PTPRU: variants seen among roughly 807,000 people sequenced by gnomAD.
The protein encoded by PTPRU is protein tyrosine phosphatase receptor type U.
PTPRU carries 69 observed loss-of-function variants against 166.3 expected under a neutral mutation model. That is an observed-to-expected ratio of 0.41 (90% CI 0.34 to 0.51). PTPRU has a LOEUF of 0.51. Ranked by LOEUF, PTPRU falls within the 20% of genes least tolerant of loss-of-function variation. The pLI is 0.09. For synonymous variants in PTPRU, 793 were observed against 814.0 expected (o/e 0.97, Z 0.44); for missense variants, 1,657 against 2,013.7 (o/e 0.82, Z 3.39).
rs1687652486 is a variant in PTPRU at position 29,311,466 on chromosome 1, T to C, written c.2868T>C (p.Pro956=). 1 of 1,614,044 alleles carries C rather than the reference T, an allele frequency of 6.2e-7. No individual in the cohort carries two copies. The highest frequency in any genetic ancestry group is 8.5e-7 in the Non-Finnish European group (1 of 1,179,948). Residue 956 remains proline (P), a synonymous_variant, in exon 20 of 30, where the codon CCT becomes CCC. Coordinates refer to ENST00000373779, the MANE Select transcript of PTPRU (RefSeq NM_133178.4). The surrounding 1 kb of genome is among the most constrained non-coding windows in gnomAD (Gnocchi z 4.1). The part of the protein sequence containing the change: ...NHFIATQGPK[P]EMVYDFWRMV... ...TGCCTGCATCCCCAGGGCCGAAGCC[T>C]GAGATGGTCTATGACTTCTGGCGTA...
intron 24 of PTPRU, 52 bp downstream of exon 24, chr1:29,316,203 G>T (rs753157475): frequency 4.3e-5 from 68 of 1,570,518 alleles, no homozygotes; most frequent in Non-Finnish European, 5.7e-5. Flanking sequence ...CTGTGTGTGT[G>T]TTGGGGCATC....
chr1:29,273,640 C>T (rs534771743), intron 7 of PTPRU, among the ~76,000 whole-genome samples: 1 of 152,264 alleles, frequency 6.6e-6, no homozygotes, highest in South Asian at 2.1e-4. Flanking sequence ...TGGGCTCCAG[C>T]GATTCTCCTG....
Position 29,259,899 on chromosome 1 carries a change from G to T in PTPRU, c.705G>T (p.Ala235=). 1 of 1,532,066 alleles carries T rather than the reference G, an allele frequency of 6.5e-7. No individual in the cohort carries two copies. The highest frequency in any genetic ancestry group is 8.7e-7 in the Non-Finnish European group (1 of 1,145,674). 94.9% of individuals were successfully genotyped at this position (1,532,066 alleles called of 1,614,324 possible). Residue 235 remains alanine (A), a synonymous_variant, in exon 6 of 30, where the codon GCG becomes GCT. Transcript: ENST00000373779. Reference sequence around the variant, plus strand: ...AGAGCGGGGCGCTGGTGCCGGCGGCGGGCGTGCGGCACATCAGCCACCGGC... The same window carrying T: ...AGAGCGGGGCGCTGGTGCCGGCGGCTGGCGTGCGGCACATCAGCCACCGGC... ...QRQSGALVPA[A]GVRHISHRRF... is the part of the protein sequence containing the mutation.
In PTPRU at chr1:29,260,300, G is replaced by T; in HGVS notation, c.850+256G>T. 2.0e-6 allele frequency: 1 copy of T among 488,624 alleles called. No homozygotes were observed. Among genetic ancestry groups the T allele is most frequent in the East Asian group, 3.5e-5 (1 of 28,556 alleles). 30.3% of individuals were successfully genotyped at this position (488,624 alleles called of 1,614,324 possible). A position where few individuals can be genotyped will look rare whatever the true frequency, so the allele number is the denominator to read the frequency against. ...CCTAAAGAGGGGTGGGGTTCTGGCT[G>T]TGTGACTTCTGTGTTGATCCTAGCT... On this transcript the variant is annotated intron_variant, in intron 6 of 29. Coordinates refer to ENST00000373779, the MANE Select transcript of PTPRU (RefSeq NM_133178.4). This position sits in a 1 kb window ranked among gnomAD's most constrained non-coding sequence, Gnocchi z 8.3.
At chr1:29,285,832 C>T (rs1686320739) in intron 14 of PTPRU, among the ~76,000 whole-genome samples, 1 of 152,222 alleles carries the variant, frequency 6.6e-6, no homozygotes, top group Non-Finnish European at 1.5e-5. Flanking sequence ...TCTGCCCCAC[C>T]ATGTTCCCCA....
chr1:29,281,717 C>T lies in PTPRU; in HGVS notation c.1869-959C>T, dbSNP rs371119387. On this transcript the variant is annotated intron_variant, in intron 11 of 29. Transcript: ENST00000373779. The stretch of plus-strand genomic sequence containing the variant: ...GTGTTTATAATGGGCTAGTGACAAG[C>T]CATGGGCTGGTGTCCAACACTCTGG... Among the ~76,000 whole-genome samples the T allele has an allele frequency of 1.3e-4, 20 of 152,282 alleles. No homozygotes were observed. In the South Asian group the frequency reaches 3.9e-3, roughly 30 times the overall value.
intron 15 of PTPRU, among the ~76,000 whole-genome samples, chr1:29,296,434 T>TA (rs1686882225): frequency 6.6e-6 from 1 of 152,120 alleles, no homozygotes. Flanking sequence ...TTTAGATTTT[T>TA]AAAAAATTAC....
intron 29 of PTPRU, 79 bp downstream of exon 29, chr1:29,325,405 C>T: frequency 1.3e-6 from 2 of 1,556,266 alleles, no homozygotes; most frequent in Non-Finnish European, 8.9e-7. Flanking sequence ...ACCCACTCTC[C>T]CATATCTGGG....
intron 15 of PTPRU, among the ~76,000 whole-genome samples, chr1:29,302,679 A>G (rs758905390): frequency 6.6e-6 from 1 of 151,956 alleles, no homozygotes; most frequent in Non-Finnish European, 1.5e-5. Flanking sequence ...CCTCCCAAGT[A>G]GCTGGGATTA....
intron 1 of PTPRU, among the ~76,000 whole-genome samples, chr1:29,242,902 CTT>C (rs778731913): frequency 3.5e-5 from 5 of 144,412 alleles, no homozygotes; most frequent in Non-Finnish European, 4.6e-5. Flanking sequence ...CTCTCGGTTT[CTT>C]TTTTTTTTTT....
At chr1:29,284,687 C>T (rs1686259327) in intron 13 of PTPRU, 44 bp from the exon 14 acceptor site, 2 of 1,613,674 alleles carry the variant, frequency 1.2e-6, no homozygotes, top group African/African-American at 1.3e-5. Context: ...GCTCGATGGT[C>T]CCTGTCTTTC....
rs13374260 is a variant in PTPRU at position 29,257,489 on chromosome 1, C to T, written c.206-1016C>T. ...GCAGCGCTGGGTGGTTTCGGGTGCC[C>T]TTTGGGAAGCCCAAATCCCCCCGCC... On this transcript the variant is annotated intron_variant, in intron 2 of 29. Coordinates refer to ENST00000373779, the MANE Select transcript of PTPRU (RefSeq NM_133178.4). This position sits in a 1 kb window ranked among gnomAD's most constrained non-coding sequence, Gnocchi z 4.6. Among the ~76,000 whole-genome samples, 1,151 of 152,230 alleles carry T rather than the reference C, an allele frequency of 7.6e-3. 10 individuals are homozygous for T. The highest frequency in any genetic ancestry group is 0.023 in the African/African-American group (952 of 41,514).
At position 29,311,488 on chromosome 1, in the gene PTPRU, C is replaced by G; in HGVS notation, c.2890C>G (p.Arg964Gly). The change falls in exon 20 of 30, where the codon CGT (arginine) becomes GGT (glycine). Residue 964 changes from arginine (R) to glycine (G), a missense_variant. Arg to Gly is a moderately radical substitution (Grantham distance 125). Transcript: ENST00000373779. The surrounding 1 kb of genome is among the most constrained non-coding windows in gnomAD (Gnocchi z 4.1). The part of the protein sequence containing the change: ...PKPEMVYDFW[R>G]MVWQEHCSSI... The stretch of plus-strand genomic sequence containing the variant: ...GCCTGAGATGGTCTATGACTTCTGG[C>G]GTATGGTGTGGCAGGAGCACTGTTC... The G allele has an allele frequency of 6.2e-7, 1 of 1,614,160 alleles. No individual in the cohort carries two copies. Among genetic ancestry groups the G allele is most frequent in the Non-Finnish European group, 8.5e-7 (1 of 1,180,038 alleles).
chr1:29,305,567 G>A (rs766452333), intron 18 of PTPRU, 139 bp downstream of exon 18: 4 of 899,374 alleles, frequency 4.4e-6, no homozygotes, highest in Non-Finnish European at 7.4e-6. Context: ...TGCAGTCAGT[G>A]CCAGGGAGCT....
chr1:29,238,587 C>CA lies in PTPRU; in HGVS notation c.73+1870_73+1871insA, dbSNP rs1558538948. On this transcript the variant is annotated intron_variant, in intron 1 of 29. Coordinates refer to ENST00000373779, the MANE Select transcript of PTPRU (RefSeq NM_133178.4). The surrounding 1 kb of genome is among the most constrained non-coding windows in gnomAD (Gnocchi z 6.1). ...AGCGTTCGCGCCGGCCACTGGCCAGCGCTTGGGCCTCGCCCTGCAGCTCCG... is the reference window on the plus strand; with the variant it reads ...AGCGTTCGCGCCGGCCACTGGCCAGCAGCTTGGGCCTCGCCCTGCAGCTCCG... 6.6e-6 allele frequency among the ~76,000 whole-genome samples: 1 copy of CA among 152,230 alleles called. No homozygotes were observed. The highest frequency in any genetic ancestry group is 2.4e-5 in the African/African-American group (1 of 41,458).
intron 12 of PTPRU, chr1:29,283,719 C>T (rs2151954409): frequency 1.8e-6 from 1 of 568,500 alleles, no homozygotes; most frequent in Non-Finnish European, 3.1e-6. Flanking sequence ...TCTCTTTTGC[C>T]TCCGATCTCA....
chr1:29,297,216 G>C (rs1335269836), intron 15 of PTPRU, among the ~76,000 whole-genome samples: 2 of 151,826 alleles, frequency 1.3e-5, no homozygotes, highest in South Asian at 4.2e-4. Context: ...CATCATGCCT[G>C]GCTAATTTTT....
intron 7 of PTPRU, among the ~76,000 whole-genome samples, chr1:29,272,237 A>G (rs1031641169): frequency 6.6e-6 from 1 of 152,228 alleles, no homozygotes; most frequent in African/African-American, 2.4e-5. Context: ...AGTGTGGTGA[A>G]TGGGCTTGCA....
intron 14 of PTPRU, among the ~76,000 whole-genome samples, chr1:29,286,702 T>C (rs2151955683): frequency 6.6e-6 from 1 of 152,004 alleles, no homozygotes; most frequent in African/African-American, 2.4e-5. Flanking sequence ...AGAAGAGGAT[T>C]GGCAGAGTGA....
Sources: gnomAD v4.1 joint callset for allele counts (sites outside exome capture counted in the v4.1 genomes callset) on GRCh38, gnomAD v4.1.1 for gene constraint, Gnocchi (gnomAD v3.1) non-coding constraint, MANE v1.5 for transcripts, NCBI Gene and HGNC (gene_info 2026-07-23, HGNC 2026-07-21) for gene names.